Variants in LCLAT1 observed in about 807,000 individuals in gnomAD.
LCLAT1 encodes 1-AGP acyltransferase 8.
LCLAT1 carries 11 observed loss-of-function variants against 30.7 expected under a neutral mutation model. The observed-to-expected ratio is 0.36, with a 90% CI of 0.23 to 0.59. The LOEUF (loss-of-function observed/expected upper bound fraction) is 0.59, where lower values mean the gene tolerates loss of function less well. LCLAT1 is among the 20% of genes least tolerant of loss of function. The probability of loss-of-function intolerance (pLI) is 0.77; values close to 1 mark genes in which losing one functional copy is unlikely to be tolerated. For synonymous variants in LCLAT1, 155 were observed against 151.3 expected (o/e 1.02, Z -0.18); for missense variants, 402 against 458.6 (o/e 0.88, Z 1.13).
At chr2:30,516,344 C>T (rs560684413) in intron 1 of LCLAT1, among the ~76,000 whole-genome samples, 35 of 152,274 alleles carry the variant, frequency 2.3e-4, no homozygotes, top group Middle Eastern at 3.4e-3. Context: ...TGCTGAACGT[C>T]GCCGTCGCAG....
chr2:30,583,425 A>G (rs1275247848), intron 5 of LCLAT1, among the ~76,000 whole-genome samples: 2 of 152,162 alleles, frequency 1.3e-5, no homozygotes, highest in East Asian at 3.9e-4. Flanking sequence ...CATTGTCCTT[A>G]CCCAAGGCCT....
chr2:30,525,779 T>C, intron 2 of LCLAT1, 24 bp downstream of exon 2: 1 of 1,612,116 alleles, frequency 6.2e-7, no homozygotes, highest in South Asian at 1.1e-5. Context: ...CAGAGGAGAC[T>C]GTCTGCTTGT....
At chr2:30,633,109 G>C (rs1186713991) in intron 5 of LCLAT1, among the ~76,000 whole-genome samples, 1 of 152,122 alleles carries the variant, frequency 6.6e-6, no homozygotes, top group Non-Finnish European at 1.5e-5. Flanking sequence ...TTTATTACTA[G>C]CTATGTACTG....
At chr2:30,511,856 C>T (rs1684955160) in intron 1 of LCLAT1, among the ~76,000 whole-genome samples, 1 of 152,322 alleles carries the variant, frequency 6.6e-6, no homozygotes, top group Middle Eastern at 3.4e-3. Flanking sequence ...TCCACCTGCC[C>T]CTCACTCATT....
intron 3 of LCLAT1, among the ~76,000 whole-genome samples, chr2:30,550,880 A>T (rs2167969): frequency 0.72 from 109,069 of 152,032 alleles, 40,689 homozygotes; most frequent in East Asian, 0.87. Context: ...GTAATTTAAT[A>T]ATATCAATAT....
chr2:30,452,907 T>TA (rs923987056), intron 1 of LCLAT1, among the ~76,000 whole-genome samples: 2 of 151,998 alleles, frequency 1.3e-5, no homozygotes, highest in Non-Finnish European at 2.9e-5. Flanking sequence ...GATCCTACTG[T>TA]AAAAACTCGG....
At chr2:30,615,539 G>T (rs190616714) in intron 5 of LCLAT1, among the ~76,000 whole-genome samples, 2 of 152,210 alleles carry the variant, frequency 1.3e-5, no homozygotes, top group Admixed American at 1.3e-4. Flanking sequence ...GCTGCTTTTG[G>T]CCAGTGATCA....
intron 1 of LCLAT1, among the ~76,000 whole-genome samples, chr2:30,498,978 G>C (rs1472680335): frequency 2.0e-5 from 3 of 152,116 alleles, no homozygotes; most frequent in Non-Finnish European, 4.4e-5. Flanking sequence ...CAACTACCAG[G>C]CAGTCTGGAT....
chr2:30,540,819 C>A (rs1297457614), intron 3 of LCLAT1, among the ~76,000 whole-genome samples: 1 of 152,032 alleles, frequency 6.6e-6, no homozygotes, highest in Non-Finnish European at 1.5e-5. Context: ...CGCCTGCCAC[C>A]ACGCCCGGCT....
At chr2:30,447,913 C>T (rs1681346213) in intron 1 of LCLAT1, among the ~76,000 whole-genome samples, 1 of 152,248 alleles carries the variant, frequency 6.6e-6, no homozygotes, top group South Asian at 2.1e-4. Context: ...AAAGGCCTGC[C>T]TGTAGGTGCC....
intron 3 of LCLAT1, among the ~76,000 whole-genome samples, chr2:30,556,486 A>G (rs1664923965): frequency 6.6e-6 from 1 of 151,328 alleles, no homozygotes; most frequent in Non-Finnish European, 1.5e-5. Flanking sequence ...ACAAGGGAGT[A>G]TAAGAAACAG....
intron 5 of LCLAT1, among the ~76,000 whole-genome samples, chr2:30,576,905 A>G (rs1175460089): frequency 6.6e-6 from 1 of 151,944 alleles, no homozygotes; most frequent in Non-Finnish European, 1.5e-5. Flanking sequence ...ATATTAAAAC[A>G]GTACTCATTT....
intron 5 of LCLAT1, among the ~76,000 whole-genome samples, chr2:30,597,237 A>G (rs960759408): frequency 1.3e-5 from 2 of 151,730 alleles, no homozygotes; most frequent in Non-Finnish European, 1.5e-5. Context: ...TTTGGGCAGT[A>G]TGGCCAATTT....
chr2:30,488,215 A>G lies in LCLAT1; in HGVS notation c.-4-37372A>G, dbSNP rs137937577. On this transcript the variant is annotated intron_variant, in intron 1 of 5. Coordinates refer to ENST00000379509, the MANE Select transcript of LCLAT1 (RefSeq NM_001002257.3). ...CATGAATTTTTTTCCAGTTAGGTCT[A>G]GAGACTGTGAATCACAGCAATCAGG... Among the ~76,000 whole-genome samples the G allele has an allele frequency of 3.8e-4, 58 of 152,370 alleles. No homozygotes were observed. The East Asian group carries it at 9.8e-3, about 26-fold the overall frequency.
At chr2:30,501,098 A>ATGTGTGTGTGTGTG (rs70962280) in intron 1 of LCLAT1, among the ~76,000 whole-genome samples, 9 of 121,888 alleles carry the variant, frequency 7.4e-5, no homozygotes, top group South Asian at 2.9e-4. Flanking sequence ...GTGTGTGTGT[A>ATGTGTGTGTGTGTG]TGTGTGTGTG....
chr2:30,632,982 TTTTATTTTGAAGCTGAAAGGTATA>T (rs1668840682), intron 5 of LCLAT1, among the ~76,000 whole-genome samples: 1 of 152,256 alleles, frequency 6.6e-6, no homozygotes, highest in Non-Finnish European at 1.5e-5. Context: ...ATGCATACCC[TTTTATTTTGAAGCTGAAAGGTATA>T]TTATTTATTG....
chr2:30,544,825 C>G (rs773878839), intron 3 of LCLAT1, among the ~76,000 whole-genome samples: 2 of 152,164 alleles, frequency 1.3e-5, no homozygotes, highest in African/African-American at 2.4e-5. Context: ...TCCTTCACTA[C>G]TGAGTGTTTA....
intron 5 of LCLAT1, among the ~76,000 whole-genome samples, chr2:30,605,120 G>GA (rs1667375527): frequency 6.6e-6 from 1 of 152,210 alleles, no homozygotes; most frequent in Non-Finnish European, 1.5e-5. Flanking sequence ...CAGTGCTTTA[G>GA]AAAAAAGACC....
chr2:30,500,792 G>C (rs1249024160), intron 1 of LCLAT1, among the ~76,000 whole-genome samples: 1 of 152,112 alleles, frequency 6.6e-6, no homozygotes, highest in Non-Finnish European at 1.5e-5. Flanking sequence ...TTGTCCCATA[G>C]AACTGATTTT....
Sources: gnomAD v4.1 joint callset for allele counts (sites outside exome capture counted in the v4.1 genomes callset) on GRCh38, gnomAD v4.1.1 for gene constraint, MANE v1.5 for transcripts, NCBI Gene and HGNC (gene_info 2026-07-23, HGNC 2026-07-21) for gene names.